CPHXL2: variants seen among roughly 807,000 people sequenced by gnomAD.
CPHXL2 encodes the protein cytoplasmic polyadenylated homeobox like 2, also known as cytoplasmic polyadenylated homeobox-like protein 2.
At chr16:75,661,098 T>A in the CPHXL2 span, 1 of 400,854 alleles carries the variant, frequency 2.5e-6, no homozygotes, top group Non-Finnish European at 4.4e-6. Flanking sequence ...GGAAAAACTC[T>A]GCTCTGTGGC....
chr16:75,667,631 G>T, the CPHXL2 span, among the ~76,000 whole-genome samples: 3 of 152,162 alleles, frequency 2.0e-5, no homozygotes, highest in African/African-American at 7.2e-5. Flanking sequence ...TAATTGTAAA[G>T]CCCTTACCAC....
the CPHXL2 span, among the ~76,000 whole-genome samples, chr16:75,673,725 C>T: frequency 5.9e-5 from 9 of 152,048 alleles, no homozygotes; most frequent in Non-Finnish European, 8.8e-5. Context: ...CAACTGTAAT[C>T]CCAGCAATTT....
At chr16:75,671,535 A>C in the CPHXL2 span, among the ~76,000 whole-genome samples, 1 of 152,164 alleles carries the variant, frequency 6.6e-6, no homozygotes, top group Admixed American at 6.5e-5. Context: ...AACATACTAG[A>C]CTGGAAGCCC....
At chr16:75,664,644 AAAG>A in the CPHXL2 span, among the ~76,000 whole-genome samples, 579 of 136,170 alleles carry the variant, frequency 4.3e-3, 7 homozygotes, top group African/African-American at 0.015. Flanking sequence ...AAAAAAAAAG[AAAG>A]AAAGAAAAAC....
the CPHXL2 span, among the ~76,000 whole-genome samples, chr16:75,671,120 C>G: frequency 2.0e-5 from 3 of 152,184 alleles, no homozygotes; most frequent in Admixed American, 6.5e-5. Context: ...CGCCGGCTCA[C>G]GCCTATAATC....
chr16:75,667,312 C>CAA, the CPHXL2 span, among the ~76,000 whole-genome samples: 5,886 of 77,624 alleles, frequency 0.076, 477 homozygotes, highest in African/African-American at 0.21. Context: ...ACTCCATTTC[C>CAA]AAAAAAAAAA....
At chr16:75,672,940 T>C in the CPHXL2 span, among the ~76,000 whole-genome samples, 3 of 151,854 alleles carry the variant, frequency 2.0e-5, no homozygotes, top group Admixed American at 6.6e-5. Context: ...AATTAGCATG[T>C]GTGGTGGCAC....
At chr16:75,667,110 G>A in the CPHXL2 span, among the ~76,000 whole-genome samples, 2 of 151,832 alleles carry the variant, frequency 1.3e-5, no homozygotes, top group South Asian at 2.1e-4. Flanking sequence ...TCAGGAGTTC[G>A]AGACCAGCCT....
chr16:75,674,885 T>A, the CPHXL2 span, among the ~76,000 whole-genome samples: 1 of 152,008 alleles, frequency 6.6e-6, no homozygotes, highest in South Asian at 2.1e-4. Flanking sequence ...AATTTTTGTA[T>A]TTTTAATAGA....
the CPHXL2 span, among the ~76,000 whole-genome samples, chr16:75,676,139 G>C: frequency 6.6e-6 from 1 of 151,854 alleles, no homozygotes; most frequent in Non-Finnish European, 1.5e-5. Context: ...TGACCTTCTC[G>C]CTCCATCCAG....
chr16:75,673,718 C>T, the CPHXL2 span, among the ~76,000 whole-genome samples: 29 of 152,182 alleles, frequency 1.9e-4, no homozygotes, highest in South Asian at 5.8e-3. Context: ...TGGCTCACAA[C>T]TGTAATCCCA....
chr16:75,661,497 T>C, the CPHXL2 span, among the ~76,000 whole-genome samples: 2 of 151,838 alleles, frequency 1.3e-5, no homozygotes, highest in African/African-American at 2.4e-5. Context: ...GACACCATGG[T>C]TTACGTGTAA....
chr16:75,666,979 T>C, the CPHXL2 span, among the ~76,000 whole-genome samples: 2 of 152,080 alleles, frequency 1.3e-5, no homozygotes, highest in Non-Finnish European at 2.9e-5. Flanking sequence ...TCGTGAATGA[T>C]CATTGGGTCA....
At chr16:75,660,695 C>T in the CPHXL2 span, 1 of 398,610 alleles carries the variant, frequency 2.5e-6, no homozygotes, top group Non-Finnish European at 4.4e-6. Context: ...GAGCGTAATC[C>T]AAAAGGAAGG....
chr16:75,672,293 A>C, the CPHXL2 span, among the ~76,000 whole-genome samples: 1 of 151,800 alleles, frequency 6.6e-6, no homozygotes, highest in Non-Finnish European at 1.5e-5. Flanking sequence ...AAAAAAAAAA[A>C]ATTTCCTTGA....
At chr16:75,662,435 C>A in the CPHXL2 span, among the ~76,000 whole-genome samples, 9 of 151,596 alleles carry the variant, frequency 5.9e-5, no homozygotes, top group Non-Finnish European at 1.3e-4. Flanking sequence ...CTTCCCCTTC[C>A]CAGAAGTTGG....
the CPHXL2 span, among the ~76,000 whole-genome samples, chr16:75,674,668 C>A: frequency 6.6e-6 from 1 of 152,036 alleles, no homozygotes; most frequent in African/African-American, 2.4e-5. Context: ...AAGATGGATA[C>A]ATACTTCCTG....
At chr16:75,661,530 C>T in the CPHXL2 span, among the ~76,000 whole-genome samples, 2 of 151,912 alleles carry the variant, frequency 1.3e-5, no homozygotes, top group African/African-American at 4.8e-5. Context: ...TGGAATCTAT[C>T]TCCAACCTAC....
At chr16:75,669,448 T>A in the CPHXL2 span, 2 of 400,792 alleles carry the variant, frequency 5.0e-6, no homozygotes, top group Admixed American at 4.4e-5. Context: ...TCCAAATATT[T>A]CCTTAAGTTC....
Sources: gnomAD v4.1 joint callset for allele counts (sites outside exome capture counted in the v4.1 genomes callset) on GRCh38, gnomAD v4.1.1 for gene constraint, MANE v1.5 for transcripts, NCBI Gene and HGNC (gene_info 2026-07-23, HGNC 2026-07-21) for gene names.